Variants in SNX29 observed in about 807,000 individuals in gnomAD.
SNX29 encodes sorting nexin 29, also known as sorting nexin-29.
A neutral mutation model predicts 102.1 loss-of-function variants in SNX29; 78 were observed. The ratio of observed to expected loss-of-function variants is 0.76; its 90% confidence interval spans 0.64 to 0.92. The LOEUF (loss-of-function observed/expected upper bound fraction) is 0.92. Among genes scored for constraint, SNX29 ranks in the 40% least tolerant of loss-of-function variants. The pLI is 0.00. For synonymous variants in SNX29, 580 were observed against 414.5 expected, an observed-to-expected ratio of 1.40 and a Z score of -4.85; for missense variants, 1,280 against 1,061.7, an observed-to-expected ratio of 1.21 and a Z score of -2.86.
rs1466078087 is a variant in SNX29, at chr16:11,976,776, C to G, written c.-31C>G. 3 of 1,323,968 alleles carry G rather than the reference C, an allele frequency of 2.3e-6. No homozygotes were observed. In the Admixed American group the frequency reaches 1.0e-4, roughly 44 times the overall value. 82.0% of individuals were successfully genotyped at this position (1,323,968 alleles called of 1,614,324 possible). On this transcript the variant is annotated 5_prime_UTR_variant, in exon 1 of 21. Transcript: ENST00000566228. ...CGCAGAAGCGGCAGCGGCGGCGGCG[C>G]GGCGCAGGCACCGGCCCGGGGAGAG...
At chr16:12,332,697 G>A (rs1016278959) in intron 15 of SNX29, among the ~76,000 whole-genome samples, 16 of 152,104 alleles carry the variant, frequency 1.1e-4, no homozygotes, top group African/African-American at 3.9e-4. Context: ...CGCCACCAGG[G>A]TTGGGCACCT....
At chr16:12,565,548 C>A (rs1339501937) in intron 20 of SNX29, among the ~76,000 whole-genome samples, 1 of 152,170 alleles carries the variant, frequency 6.6e-6, no homozygotes, top group Non-Finnish European at 1.5e-5. Context: ...ATTGAACCAT[C>A]CCTGTGTCAC....
intron 18 of SNX29, among the ~76,000 whole-genome samples, chr16:12,430,521 A>G (rs1400120446): frequency 6.6e-6 from 1 of 152,250 alleles, no homozygotes; most frequent in Admixed American, 6.5e-5. Context: ...GCCTTGGGCA[A>G]GTTAACATTC....
In SNX29 at chr16:12,507,405, C is replaced by G. The variant is rs182700644; in HGVS notation, c.2179-17297C>G. ...GGACAGTCAATGGCTAATGCAGAAT[C>G]GAACCCTCCCCAATTCCGTTTTCCA... On this transcript the variant is annotated intron_variant, in intron 19 of 20. Transcript: ENST00000566228. Among the ~76,000 whole-genome samples, 5 of 152,336 alleles carry G rather than the reference C, an allele frequency of 3.3e-5. No individual in the cohort carries two copies. The East Asian group carries it at 9.6e-4, about 29-fold the overall frequency.
intron 15 of SNX29, among the ~76,000 whole-genome samples, chr16:12,284,781 A>G (rs904927985): frequency 5.3e-5 from 8 of 151,790 alleles, no homozygotes; most frequent in Middle Eastern, 3.4e-3. Flanking sequence ...CTGGAGGGCA[A>G]TGGCACAATC....
At chr16:12,121,605 G>C (rs902023425) in intron 11 of SNX29, among the ~76,000 whole-genome samples, 2 of 152,134 alleles carry the variant, frequency 1.3e-5, no homozygotes, top group Non-Finnish European at 2.9e-5. Flanking sequence ...TGCCAGACTC[G>C]GCACTTTCTC....
intron 15 of SNX29, among the ~76,000 whole-genome samples, chr16:12,282,741 C>T (rs1008832947): frequency 2.0e-5 from 3 of 152,172 alleles, no homozygotes; most frequent in Non-Finnish European, 1.5e-5. Flanking sequence ...CTGCAACCTC[C>T]CCCTCCCAGG....
intron 16 of SNX29, among the ~76,000 whole-genome samples, chr16:12,359,968 C>T (rs532641774): frequency 4.6e-5 from 7 of 152,248 alleles, no homozygotes; most frequent in Admixed American, 2.0e-4. Context: ...GGATTACAGG[C>T]GCCCACCATT....
intron 15 of SNX29, among the ~76,000 whole-genome samples, chr16:12,328,516 G>T (rs1225638077): frequency 2.6e-5 from 4 of 152,170 alleles, no homozygotes; most frequent in African/African-American, 9.6e-5. Flanking sequence ...CCAGGGTGAG[G>T]CTGTGGGCAG....
chr16:12,344,603 G>A (rs1403792823), intron 15 of SNX29, among the ~76,000 whole-genome samples: 3 of 152,236 alleles, frequency 2.0e-5, no homozygotes, highest in Non-Finnish European at 4.4e-5. Flanking sequence ...AAGGAGCCAT[G>A]GACAGGCCTT....
chr16:12,465,211 C>A (rs1309898993), intron 18 of SNX29, among the ~76,000 whole-genome samples: 2 of 152,238 alleles, frequency 1.3e-5, no homozygotes, highest in South Asian at 2.1e-4. Context: ...CACAGAAGCT[C>A]TTTAGTTTGA....
intron 20 of SNX29, chr16:12,560,990 G>A (rs1443613188): frequency 4.6e-6 from 1 of 215,314 alleles, no homozygotes; most frequent in Non-Finnish European, 9.4e-6. Context: ...GGTACTGCCA[G>A]AGCCATTTCT....
chr16:12,211,559 T>C (rs979646627), intron 14 of SNX29, among the ~76,000 whole-genome samples: 2 of 150,942 alleles, frequency 1.3e-5, no homozygotes, highest in Admixed American at 6.6e-5. Context: ...CCAATAGGGG[T>C]GTGTGTGTGT....
At chr16:12,053,184 A>G (rs914223292) in intron 8 of SNX29, 1 of 151,434 alleles carries the variant, frequency 6.6e-6, no homozygotes, top group Non-Finnish European at 1.5e-5. Flanking sequence ...AACTCCAGAT[A>G]CTTGGGATGC....
intron 11 of SNX29, among the ~76,000 whole-genome samples, chr16:12,080,437 A>G (rs757861712): frequency 6.6e-6 from 1 of 152,194 alleles, no homozygotes; most frequent in Non-Finnish European, 1.5e-5. Flanking sequence ...CACTCAGTCC[A>G]TGGGACACAG....
At chr16:12,085,336 C>T (rs1302030151) in intron 11 of SNX29, among the ~76,000 whole-genome samples, 1 of 152,138 alleles carries the variant, frequency 6.6e-6, no homozygotes, top group African/African-American at 2.4e-5. Context: ...CTCTTCTTCC[C>T]TTTCCTTTTG....
Position 12,568,531 on chromosome 16 carries a change from G to C in SNX29, c.2344G>C (p.Val782Leu). ...CGACATCACCCCGCCCGGAGAGCCT[G>C]TGAACAGCCGGCCCAAAGCAGCTTC... ...FVDITPPGEP[V>L]NSRPKAASRF... Residue 782 changes from valine (V) to leucine (L), a missense_variant, in exon 21 of 21, where the codon GTG (valine) becomes CTG (leucine). Physicochemically the swap from Val to Leu is conservative, Grantham distance 32. Coordinates refer to ENST00000566228, the MANE Select transcript of SNX29 (RefSeq NM_032167.5). 6 of 1,609,858 alleles carry C rather than the reference G, an allele frequency of 3.7e-6. No homozygotes were observed. Among genetic ancestry groups the C allele is most frequent in the Non-Finnish European group, 5.1e-6 (6 of 1,179,838 alleles).
At chr16:12,115,597 T>C (rs988018443) in intron 11 of SNX29, among the ~76,000 whole-genome samples, 16 of 152,126 alleles carry the variant, frequency 1.1e-4, no homozygotes, top group African/African-American at 3.4e-4. Context: ...CTCATGTGAA[T>C]ATCTTTGCAG....
intron 14 of SNX29, among the ~76,000 whole-genome samples, chr16:12,274,077 T>A (rs1350121676): frequency 6.6e-6 from 1 of 152,204 alleles, no homozygotes; most frequent in African/African-American, 2.4e-5. Context: ...GGGATCTATG[T>A]ATTACGATTG....
Sources: gnomAD v4.1 joint callset for allele counts (sites outside exome capture counted in the v4.1 genomes callset) on GRCh38, gnomAD v4.1.1 for gene constraint, MANE v1.5 for transcripts, NCBI Gene and HGNC (gene_info 2026-07-23, HGNC 2026-07-21) for gene names.